The following LINGO2 variants were observed in gnomAD, a reference collection of about 807,000 sequenced individuals.
The protein encoded by LINGO2 is leucine rich repeat and Ig domain containing 2, also known as leucine-rich repeat and immunoglobulin-like domain-containing nogo receptor-interacting protein 2.
Under a neutral mutation model 30.6 loss-of-function variants are expected in LINGO2, and 14 were observed. That is an observed-to-expected ratio of 0.46 (90% CI 0.30 to 0.72). The LOEUF (loss-of-function observed/expected upper bound fraction) is 0.72, where lower values mean the gene tolerates loss of function less well. LINGO2 is among the 30% of genes least tolerant of loss of function. The probability of loss-of-function intolerance (pLI) is 0.07; values close to 1 mark genes in which losing one functional copy is unlikely to be tolerated. For missense variants in LINGO2, 729 were observed against 751.7 expected (o/e 0.97, Z 0.35); for synonymous variants, 317 against 288.5 (o/e 1.10, Z -1.00).
At chr9:28,528,941 C>G (rs1821128038) in intron 1 of LINGO2, among the ~76,000 whole-genome samples, 1 of 152,122 alleles carries the variant, frequency 6.6e-6, no homozygotes, top group African/African-American at 2.4e-5. Flanking sequence ...ATTACTTTAT[C>G]TGAGTCACTA....
intron 1 of LINGO2, among the ~76,000 whole-genome samples, chr9:28,511,087 T>A (rs1472498853): frequency 3.3e-5 from 5 of 152,040 alleles, no homozygotes; most frequent in African/African-American, 1.2e-4. Flanking sequence ...AATGTTAATC[T>A]CCTTTGGCAG....
the LINGO2 span, among the ~76,000 whole-genome samples, chr9:29,210,176 GT>G: frequency 1.3e-5 from 2 of 152,136 alleles, no homozygotes; most frequent in Non-Finnish European, 2.9e-5. Context: ...ACATTTTAAT[GT>G]TTGGTCTCTT....
At chr9:28,197,658 G>A (rs1820062209) in intron 4 of LINGO2, among the ~76,000 whole-genome samples, 1 of 151,836 alleles carries the variant, frequency 6.6e-6, no homozygotes, top group African/African-American at 2.4e-5. Flanking sequence ...GAGTTGTAAA[G>A]GTTTTTCTAA....
At chr9:28,282,482 A>G (rs951937807) in intron 4 of LINGO2, among the ~76,000 whole-genome samples, 2 of 151,872 alleles carry the variant, frequency 1.3e-5, no homozygotes, top group Non-Finnish European at 2.9e-5. Flanking sequence ...CTATTTGATG[A>G]AAGATCAGAT....
At chr9:28,778,242 G>C in the LINGO2 span, among the ~76,000 whole-genome samples, 3 of 152,100 alleles carry the variant, frequency 2.0e-5, no homozygotes, top group Admixed American at 2.0e-4. Flanking sequence ...TAGATAAAAT[G>C]TTTCCTCTTG....
chr9:28,846,839 G>C, the LINGO2 span, among the ~76,000 whole-genome samples: 1 of 147,458 alleles, frequency 6.8e-6, no homozygotes, highest in Admixed American at 6.8e-5. Context: ...CTAACAAAAA[G>C]CAAGATGGTT....
the LINGO2 span, among the ~76,000 whole-genome samples, chr9:28,940,390 A>G: frequency 3.3e-5 from 5 of 152,150 alleles, no homozygotes; most frequent in Non-Finnish European, 7.3e-5. Context: ...CACATATTGA[A>G]AATAGCAAGC....
intron 3 of LINGO2, among the ~76,000 whole-genome samples, chr9:28,321,553 G>A (rs1825043189): frequency 6.6e-6 from 1 of 152,080 alleles, no homozygotes. Context: ...AACTGTTACT[G>A]GCTAAAGAGA....
chr9:29,100,686 T>C, the LINGO2 span, among the ~76,000 whole-genome samples: 1 of 152,114 alleles, frequency 6.6e-6, no homozygotes, highest in Non-Finnish European at 1.5e-5. Flanking sequence ...AAAAATAATT[T>C]AATTGTTCAT....
At chr9:28,575,901 A>T (rs1338677295) in intron 1 of LINGO2, among the ~76,000 whole-genome samples, 2 of 149,404 alleles carry the variant, frequency 1.3e-5, no homozygotes, top group Non-Finnish European at 3.0e-5. Flanking sequence ...ATGAAAGAGT[A>T]TATAATTATC....
chr9:28,351,989 TG>T, intron 3 of LINGO2, among the ~76,000 whole-genome samples: 1 of 151,714 alleles, frequency 6.6e-6, no homozygotes, highest in Non-Finnish European at 1.5e-5. Flanking sequence ...TAGGTATTGC[TG>T]GGATGTATTT....
rs139094651 is a variant in LINGO2, at chr9:28,280,828, GTCT to G, written c.-87+14377_-87+14379del. 3.0e-3 allele frequency among the ~76,000 whole-genome samples: 456 copies of G among 152,238 alleles called. 1 individual carries two copies. The highest frequency in any genetic ancestry group is 0.011 in the African/African-American group (438 of 41,570). ...GTGCAATGTACCAATCCAGTGCCTA[GTCT>G]TCTGCAAAAAGTTTTCTATCAAACT... On this transcript the variant is annotated intron_variant, in intron 4 of 5. Coordinates refer to ENST00000379992, the Ensembl canonical transcript of LINGO2.
chr9:28,876,496 T>G, the LINGO2 span, among the ~76,000 whole-genome samples: 2 of 151,348 alleles, frequency 1.3e-5, no homozygotes, highest in African/African-American at 4.9e-5. Context: ...TGAGAACACG[T>G]GGTGTTTGGT....
the LINGO2 span, among the ~76,000 whole-genome samples, chr9:28,983,241 T>G: frequency 7.9e-5 from 12 of 151,412 alleles, no homozygotes; most frequent in Non-Finnish European, 1.6e-4. Flanking sequence ...ACGTATTGTG[T>G]CTCGCAAAGT....
chr9:27,975,502 C>T (rs1396035614), intron 5 of LINGO2, among the ~76,000 whole-genome samples: 1 of 152,034 alleles, frequency 6.6e-6, no homozygotes, highest in Non-Finnish European at 1.5e-5. Context: ...TGATAACATG[C>T]TTATAAAATT....
chr9:28,401,309 C>G (rs2134745561), intron 2 of LINGO2, among the ~76,000 whole-genome samples: 1 of 152,180 alleles, frequency 6.6e-6, no homozygotes, highest in South Asian at 2.1e-4. Context: ...CCAACAGGCC[C>G]TGGTGTGTCT....
At chr9:28,068,012 G>A (rs576286487) in intron 4 of LINGO2, among the ~76,000 whole-genome samples, 5 of 152,078 alleles carry the variant, frequency 3.3e-5, no homozygotes, top group Non-Finnish European at 7.4e-5. Context: ...CAACAAAGTT[G>A]TGGCATAGTG....
intron 4 of LINGO2, among the ~76,000 whole-genome samples, chr9:28,190,266 A>AT (rs968897380): frequency 4.0e-5 from 6 of 151,832 alleles, no homozygotes; most frequent in African/African-American, 1.5e-4. Context: ...ATCTGTTTTT[A>AT]TTTTTTTCTC....
intron 5 of LINGO2, among the ~76,000 whole-genome samples, chr9:27,979,262 C>G (rs762232953): frequency 3.3e-5 from 5 of 151,942 alleles, no homozygotes; most frequent in African/African-American, 4.8e-5. Context: ...GCTCTTGTAC[C>G]AGGATTTGCC....
Sources: allele counts gnomAD v4.1 joint callset (sites outside exome capture counted in the v4.1 genomes callset), GRCh38; gene constraint gnomAD v4.1.1; transcripts MANE v1.5; gene names NCBI Gene and HGNC (gene_info 2026-07-23, HGNC 2026-07-21).